GNAO1: variants seen among roughly 807,000 people sequenced by gnomAD.
GNAO1 encodes the protein G protein subunit alpha o1.
For synonymous variants in GNAO1, 164 were observed against 180.7 expected (o/e 0.91, Z 0.74); for missense variants, 166 against 478.7 (o/e 0.35, Z 6.10).
intron 2 of GNAO1, among the ~76,000 whole-genome samples, chr16:56,267,121 T>C (rs1407278601): frequency 2.6e-5 from 4 of 151,976 alleles, no homozygotes; most frequent in Non-Finnish European, 5.9e-5. Context: ...AAGAGCAGAG[T>C]TAGTGGGAGC....
chr16:56,194,513 G>A, intron 2 of GNAO1: 1 of 317,782 alleles, frequency 3.1e-6, no homozygotes, highest in Non-Finnish European at 6.3e-6. Flanking sequence ...GGCCGGAAAA[G>A]TCGATGGGGC....
intron 2 of GNAO1, among the ~76,000 whole-genome samples, chr16:56,254,751 T>C (rs2036830475): frequency 6.6e-6 from 1 of 152,170 alleles, no homozygotes; most frequent in African/African-American, 2.4e-5. Flanking sequence ...CCCTTGCTTG[T>C]GCTGGTTTAA....
intron 6 of GNAO1, among the ~76,000 whole-genome samples, chr16:56,338,353 G>A (rs924052393): frequency 7.2e-5 from 11 of 152,196 alleles, no homozygotes; most frequent in African/African-American, 2.7e-4. Context: ...GATGCTGAGT[G>A]GGGCAAGGGT....
chr16:56,348,218 G>A (rs1483865261), intron 6 of GNAO1: 2 of 984,032 alleles, frequency 2.0e-6, no homozygotes, highest in South Asian at 9.4e-5. Flanking sequence ...GTGATGTGTT[G>A]TCAGGGCCCA....
At chr16:56,195,548 A>G (rs754051728) in intron 2 of GNAO1, among the ~76,000 whole-genome samples, 8 of 152,248 alleles carry the variant, frequency 5.3e-5, no homozygotes, top group Admixed American at 2.0e-4. Context: ...GGTGGCATTT[A>G]TAGAAAGCAG....
intron 2 of GNAO1, among the ~76,000 whole-genome samples, chr16:56,227,872 T>C (rs900468835): frequency 2.6e-5 from 4 of 151,966 alleles, no homozygotes; most frequent in African/African-American, 7.3e-5. Flanking sequence ...GCTGGTGATA[T>C]GTTCAATTTA....
At chr16:56,332,691 A>ACACCTTGCC (rs1166647932) in intron 4 of GNAO1, among the ~76,000 whole-genome samples, 3 of 151,804 alleles carry the variant, frequency 2.0e-5, no homozygotes, top group Non-Finnish European at 4.4e-5. Context: ...CAGTTCTCCC[A>ACACCTTGCC]CACCTTGCCC....
intron 3 of GNAO1, among the ~76,000 whole-genome samples, chr16:56,303,061 C>T (rs1158960595): frequency 2.6e-5 from 4 of 152,216 alleles, no homozygotes; most frequent in African/African-American, 9.6e-5. Context: ...CTCTCCCCGG[C>T]CTGAAACGGG....
At chr16:56,246,569 G>A (rs989442407) in intron 2 of GNAO1, among the ~76,000 whole-genome samples, 2 of 152,176 alleles carry the variant, frequency 1.3e-5, no homozygotes, top group African/African-American at 4.8e-5. Context: ...TGAGAGGCAC[G>A]AGGACCCAGT....
chr16:56,339,571 G>A (rs2037779191), intron 6 of GNAO1, among the ~76,000 whole-genome samples: 2 of 152,210 alleles, frequency 1.3e-5, no homozygotes, highest in African/African-American at 4.8e-5. Context: ...TGCAACAAAG[G>A]TGTCTGGAAG....
At chr16:56,252,145 G>T (rs1426848120) in intron 2 of GNAO1, among the ~76,000 whole-genome samples, 1 of 152,214 alleles carries the variant, frequency 6.6e-6, no homozygotes, top group Non-Finnish European at 1.5e-5. Flanking sequence ...CAAAATGTGT[G>T]TTTACTTCTC....
intron 2 of GNAO1, among the ~76,000 whole-genome samples, chr16:56,240,961 C>T (rs530861136): frequency 6.6e-6 from 1 of 152,290 alleles, no homozygotes; most frequent in African/African-American, 2.4e-5. Context: ...AGGATGCCTC[C>T]ACAGGGAAGA....
At position 56,352,435 on chromosome 16, in the gene GNAO1, G is replaced by A. The variant is rs555204926; in HGVS notation, c.877+898G>A. On this transcript the variant is annotated intron_variant, in intron 7 of 8. Transcript: ENST00000262493. The stretch of plus-strand genomic sequence containing the variant: ...TGGGAAGCTTCTAGGGGTCCCTGGG[G>A]TAGGAGTTGCCTTTGCAGACTACAG... The A allele has an allele frequency of 2.6e-5, 4 of 152,618 alleles. No individual in the cohort carries two copies. In the South Asian group the frequency reaches 8.3e-4, roughly 32 times the overall value. The allele number at this position is 152,618 out of a possible 1,614,324, so 9.5% of individuals were successfully genotyped here. A position where few individuals can be genotyped will look rare whatever the true frequency, so the allele number is the denominator to read the frequency against.
chr16:56,340,316 C>A (rs751792478), intron 6 of GNAO1: 1 of 152,434 alleles, frequency 6.6e-6, no homozygotes, highest in Non-Finnish European at 1.5e-5. Flanking sequence ...AGACGCTATT[C>A]CCTGGTGTCT....
intron 6 of GNAO1, chr16:56,346,446 T>A: frequency 1.0e-6 from 1 of 984,944 alleles, no homozygotes; most frequent in Non-Finnish European, 1.2e-6. Context: ...TTTGCCAAAC[T>A]CATGAAAATT....
At chr16:56,223,571 T>C (rs1428053432) in intron 2 of GNAO1, among the ~76,000 whole-genome samples, 1 of 152,178 alleles carries the variant, frequency 6.6e-6, no homozygotes, top group African/African-American at 2.4e-5. Flanking sequence ...TGGACCTCTT[T>C]GTTGGGAGAG....
At chr16:56,198,898 T>G (rs1259218139) in intron 2 of GNAO1, among the ~76,000 whole-genome samples, 3 of 152,146 alleles carry the variant, frequency 2.0e-5, no homozygotes, top group Non-Finnish European at 4.4e-5. Flanking sequence ...TAACAAACTG[T>G]GTTGTCATAA....
chr16:56,335,043 C>T (rs543775321), intron 5 of GNAO1, among the ~76,000 whole-genome samples, 186 bp downstream of exon 5: 3 of 152,364 alleles, frequency 2.0e-5, no homozygotes, highest in East Asian at 3.9e-4. Flanking sequence ...CTGGAGTGAG[C>T]AGGGAGGCTT....
chr16:56,335,517 G>A lies in GNAO1; in HGVS notation c.593+660G>A, dbSNP rs144964620. Reference sequence around the variant, plus strand: ...GAAGAGAGGCCAGCAGAGAAGGGGAGGGCAGGGACCCCTGCTGGGAGAGCT... The same window carrying A: ...GAAGAGAGGCCAGCAGAGAAGGGGAAGGCAGGGACCCCTGCTGGGAGAGCT... On this transcript the variant is annotated intron_variant, in intron 5 of 8. Transcript: ENST00000262493. 2.7e-3 allele frequency among the ~76,000 whole-genome samples: 418 copies of A among 152,322 alleles called. 4 individuals are homozygous for A. The highest frequency in any genetic ancestry group is 9.4e-3 in the African/African-American group (391 of 41,568).
Sources: allele counts gnomAD v4.1 joint callset (sites outside exome capture counted in the v4.1 genomes callset), GRCh38; gene constraint gnomAD v4.1.1; transcripts MANE v1.5; gene names NCBI Gene and HGNC (gene_info 2026-07-23, HGNC 2026-07-21).